RAI1: variants seen among roughly 807,000 people sequenced by gnomAD.
RAI1 encodes retinoic acid-induced protein 1.
Under a neutral mutation model 123.8 loss-of-function variants are expected in RAI1, and 9 were observed. The ratio of observed to expected loss-of-function variants is 0.07; its 90% CI spans 0.04 to 0.13. The LOEUF (loss-of-function observed/expected upper bound fraction) is 0.13, where lower values mean the gene tolerates loss of function less well. Ranked by LOEUF, RAI1 falls within the 10% of genes least tolerant of loss-of-function variation. RAI1 has a pLI of 1.00. For missense variants in RAI1, 2,256 were observed against 2,545.8 expected (o/e 0.89, Z 2.45); for synonymous variants, 1,231 against 1,127.3 (o/e 1.09, Z -1.84).
At chr17:17,762,802 A>G (rs1429028315) in intron 2 of RAI1, among the ~76,000 whole-genome samples, 4 of 151,956 alleles carry the variant, frequency 2.6e-5, no homozygotes, top group African/African-American at 9.7e-5. Context: ...TCACTCCTTC[A>G]TGCACCCGCC....
At chr17:17,744,333 T>C (rs1010056415) in intron 2 of RAI1, among the ~76,000 whole-genome samples, 6 of 152,172 alleles carry the variant, frequency 3.9e-5, no homozygotes, top group Admixed American at 6.5e-5. Flanking sequence ...GGTCCAGCCA[T>C]TTCTGTACCC....
intron 1 of RAI1, among the ~76,000 whole-genome samples, chr17:17,694,703 C>G (rs1326768390): frequency 2.0e-5 from 3 of 151,028 alleles, no homozygotes; most frequent in Non-Finnish European, 4.4e-5. Flanking sequence ...TCGGGGCCCG[C>G]GACGCCGACG....
chr17:17,699,347 G>C (rs1039894965), intron 1 of RAI1, among the ~76,000 whole-genome samples: 3 of 152,258 alleles, frequency 2.0e-5, no homozygotes, highest in Non-Finnish European at 4.4e-5. Context: ...GGCCCCACCT[G>C]CCAGTTCCTC....
chr17:17,748,958 ACTG>A (rs1324507098), intron 2 of RAI1, among the ~76,000 whole-genome samples: 1 of 152,070 alleles, frequency 6.6e-6, no homozygotes, highest in Non-Finnish European at 1.5e-5. Context: ...ACCTCAAAGA[ACTG>A]CTGCATCTGT....
intron 2 of RAI1, among the ~76,000 whole-genome samples, chr17:17,784,388 G>A (rs188981327): frequency 4.9e-4 from 74 of 152,368 alleles, no homozygotes; most frequent in Non-Finnish European, 7.5e-4. Context: ...GGCGTATCCA[G>A]GAGGGAGACC....
At chr17:17,702,928 G>A (rs535647036) in intron 1 of RAI1, among the ~76,000 whole-genome samples, 1 of 152,342 alleles carries the variant, frequency 6.6e-6, no homozygotes. Flanking sequence ...GCGGAGCTGT[G>A]CGGCATCAGT....
intron 1 of RAI1, among the ~76,000 whole-genome samples, chr17:17,690,372 A>G (rs1914794833): frequency 6.7e-6 from 1 of 149,628 alleles, no homozygotes; most frequent in African/African-American, 2.5e-5. Flanking sequence ...CCTGGGTGAC[A>G]GAGCGAGACC....
chr17:17,808,383 T>TTTG (rs1567940205), intron 4 of RAI1, among the ~76,000 whole-genome samples: 20 of 136,644 alleles, frequency 1.5e-4, no homozygotes, highest in African/African-American at 5.9e-4. Flanking sequence ...TATATTTTAT[T>TTTG]TTATTATTTT....
Position 17,714,011 on chromosome 17 carries a change from G to C in RAI1, c.-148-10017G>C, listed in dbSNP as rs1915641146. 6.6e-6 allele frequency among the ~76,000 whole-genome samples: 1 copy of C among 152,086 alleles called. No homozygotes were observed. Among genetic ancestry groups the C allele is most frequent in the South Asian group, 2.1e-4 (1 of 4,822 alleles). On this transcript the variant is annotated intron_variant, in intron 1 of 5. Transcript: ENST00000353383. This position sits in a 1 kb window ranked among gnomAD's most constrained non-coding sequence, Gnocchi z 4.9. ...CAGAGATCCCAGCGGCCCTCCCCTG[G>C]AGAGTGTCCCAGCCGCCCACGATGC...
chr17:17,707,936 C>G (rs780986582), intron 1 of RAI1, among the ~76,000 whole-genome samples: 4 of 152,186 alleles, frequency 2.6e-5, no homozygotes, highest in Non-Finnish European at 5.9e-5. Flanking sequence ...CTGCAAGAGG[C>G]AGGCTCCAAG....
In RAI1 at chr17:17,796,437, C is replaced by T. The variant is rs750460056; in HGVS notation, c.3489C>T (p.Pro1163=). Residue 1163 remains proline, a synonymous_variant, in exon 3 of 6, where the codon CCC becomes CCT. Coordinates refer to ENST00000353383, the MANE Select transcript of RAI1 (RefSeq NM_030665.4). This position sits in a 1 kb window ranked among gnomAD's most constrained non-coding sequence, Gnocchi z 5.8. ...QEIFHSKRRR[P]SEGRLPNCRA... ...TCTTCCACTCCAAGCGGCGGAGGCCCTCTGAGGGCCGGCTCCCCAACTGCC... is the reference window on the plus strand; with the variant it reads ...TCTTCCACTCCAAGCGGCGGAGGCCTTCTGAGGGCCGGCTCCCCAACTGCC... 3 of 1,613,320 alleles carry T rather than the reference C, an allele frequency of 1.9e-6. No individual in the cohort carries two copies. Among genetic ancestry groups the T allele is most frequent in the Non-Finnish European group, 2.5e-6 (3 of 1,180,014 alleles).
At chr17:17,769,306 C>T (rs1388375575) in intron 2 of RAI1, among the ~76,000 whole-genome samples, 1 of 152,130 alleles carries the variant, frequency 6.6e-6, no homozygotes, top group South Asian at 2.1e-4. Context: ...GGTGTCCCCC[C>T]AAAAGGAGAG....
In RAI1 at chr17:17,809,342, T is replaced by TG. The variant is rs763011668; in HGVS notation, c.5660-44dup. ...GGCTGCAGACAAAACCCCACAGCTGTGGGGCCCCCACCCTGTCCTAACCAC... is the reference window on the plus strand; with the variant it reads ...GGCTGCAGACAAAACCCCACAGCTGTGGGGGCCCCCACCCTGTCCTAACCAC... On this transcript the variant is annotated intron_variant, in intron 4 of 5. Coordinates refer to ENST00000353383, the MANE Select transcript of RAI1 (RefSeq NM_030665.4). This position sits in a 1 kb window ranked among gnomAD's most constrained non-coding sequence, Gnocchi z 4.9. 2.0e-6 allele frequency: 3 copies of TG among 1,530,840 alleles called. No individual in the cohort carries two copies. Among genetic ancestry groups the TG allele is most frequent in the Middle Eastern group, 1.7e-4 (1 of 5,902 alleles). The allele number at this position is 1,530,840 out of a possible 1,614,324, so 94.8% of individuals were successfully genotyped here. A position where few individuals can be genotyped will look rare whatever the true frequency, so the allele number is the denominator to read the frequency against.
At chr17:17,708,058 C>T (rs927438264) in intron 1 of RAI1, among the ~76,000 whole-genome samples, 10 of 152,190 alleles carry the variant, frequency 6.6e-5, no homozygotes, top group Non-Finnish European at 1.2e-4. Context: ...GCAGCCACAT[C>T]GACCAAGCTG....
In RAI1 at chr17:17,775,747, C is replaced by T. The variant is rs148349457; in HGVS notation, c.-16-17186C>T. Among the ~76,000 whole-genome samples, 485 of 152,020 alleles carry T rather than the reference C, an allele frequency of 3.2e-3. 7 individuals carry two copies. The highest frequency in any genetic ancestry group is 0.029 in the East Asian group (152 of 5,174). On this transcript the variant is annotated intron_variant, in intron 2 of 5. Transcript: ENST00000353383. ...GGAGAAAGGGAGGGTCTTGCTGTCT[C>T]GGGTGGTGGAGGGGGAGGCAGGAGA...
At chr17:17,693,912 G>A (rs567958904) in intron 1 of RAI1, among the ~76,000 whole-genome samples, 7 of 152,214 alleles carry the variant, frequency 4.6e-5, no homozygotes, top group Non-Finnish European at 8.8e-5. Flanking sequence ...TGGAGTCACA[G>A]CCTGGCCGAG....
At chr17:17,735,137 C>T (rs1414349994) in intron 2 of RAI1, among the ~76,000 whole-genome samples, 4 of 151,946 alleles carry the variant, frequency 2.6e-5, no homozygotes, top group African/African-American at 9.7e-5. Flanking sequence ...ACTGCAACCT[C>T]TGCCTCCCGG....
chr17:17,754,389 A>G (rs1438198284), intron 2 of RAI1, among the ~76,000 whole-genome samples: 1 of 151,484 alleles, frequency 6.6e-6, no homozygotes. Flanking sequence ...GGCATGCGCC[A>G]CCACACCTGG....
chr17:17,788,554 A>G (rs2031908113), intron 2 of RAI1, among the ~76,000 whole-genome samples: 1 of 152,064 alleles, frequency 6.6e-6, no homozygotes, highest in Non-Finnish European at 1.5e-5. Flanking sequence ...GCCCTGGTAC[A>G]CTGCTCCTTC....
Sources: gnomAD v4.1 joint callset for allele counts (sites outside exome capture counted in the v4.1 genomes callset) on GRCh38, gnomAD v4.1.1 for gene constraint, Gnocchi (gnomAD v3.1) non-coding constraint, MANE v1.5 for transcripts, NCBI Gene and HGNC (gene_info 2026-07-23, HGNC 2026-07-21) for gene names.